The following NOTCH1 variants were observed in gnomAD, a reference collection of about 807,000 sequenced individuals.
The protein encoded by NOTCH1 is notch receptor 1, also known as neurogenic locus notch homolog protein 1.
Under a neutral mutation model 254.8 loss-of-function variants are expected in NOTCH1, and 37 were observed. The observed-to-expected ratio is 0.15, with a 90% CI of 0.11 to 0.19. The LOEUF (loss-of-function observed/expected upper bound fraction) is 0.19. Among genes scored for constraint, NOTCH1 ranks in the 10% least tolerant of loss-of-function variants. NOTCH1 has a pLI of 1.00. For missense variants in NOTCH1, 2,972 were observed against 3,708.6 expected (o/e 0.80, Z 5.16); for synonymous variants, 1,731 against 1,618.1 (o/e 1.07, Z -1.68).
At position 136,497,560 on chromosome 9, in the gene NOTCH1, TG is replaced by T. The variant is rs1337087287; in HGVS notation, c.6181-3del. On this transcript the variant is annotated splice_polypyrimidine_tract_variant and splice_region_variant and intron_variant, in intron 33 of 33. Coordinates refer to ENST00000651671, the MANE Select transcript of NOTCH1 (RefSeq NM_017617.5). The stretch of plus-strand genomic sequence containing the variant: ...GGCCAGAAACAGGGGTGTCTCCTCC[TG>T]GGGGATGAGGGCGGGGGCCGGTGAG... 2.0e-6 allele frequency: 3 copies of T among 1,490,274 alleles called. No homozygotes were observed. Among genetic ancestry groups the T allele is most frequent in the East Asian group, 5.4e-5 (2 of 37,008 alleles). The allele number at this position is 1,490,274 out of a possible 1,614,324, so 92.3% of individuals were successfully genotyped here. A position where few individuals can be genotyped will look rare whatever the true frequency, so the allele number is the denominator to read the frequency against.
In NOTCH1 at chr9:136,524,102, G is replaced by A. The variant is rs148969137; in HGVS notation, c.141-123C>T. The A allele has an allele frequency of 6.7e-4, 860 of 1,291,696 alleles. 7 individuals carry two copies. In the African/African-American group the frequency reaches 9.6e-3, roughly 14 times the overall value. 80.0% of individuals were successfully genotyped at this position (1,291,696 alleles called of 1,614,324 possible). A position where few individuals can be genotyped will look rare whatever the true frequency, so the allele number is the denominator to read the frequency against. Reference sequence around the variant, plus strand: ...CCCACACCCCGGGCACGGGCACAACGGCTGCTTAGCGGGGTTCCCTTAGGG... The same window carrying A: ...CCCACACCCCGGGCACGGGCACAACAGCTGCTTAGCGGGGTTCCCTTAGGG... On this transcript the variant is annotated intron_variant, in intron 2 of 33. Transcript: ENST00000651671.
chr9:136,497,206 G>A lies in NOTCH1; in HGVS notation c.6533C>T (p.Ala2178Val), dbSNP rs2133318110. The A allele has an allele frequency of 1.2e-6, 2 of 1,612,796 alleles. No individual in the cohort carries two copies. The highest frequency in any genetic ancestry group is 1.7e-6 in the Non-Finnish European group (2 of 1,179,962). ...GCCGTCCTGGGACTTCTTCCTCCGT[G>A]CCTTGAGGTCCTTGGCCTCCTTGCT... Reference protein sequence around the residue: ...CGSKEAKDLKARRKKSQDGKG... With the variant: ...CGSKEAKDLKVRRKKSQDGKG... The change falls in exon 34 of 34, where the codon GCA (alanine) becomes GTA (valine). Residue 2178 changes from alanine to valine, a missense_variant. By Grantham distance (64) the Ala-to-Val change is moderately conservative (BLOSUM62 0). This residue lies in a region of NOTCH1 where 529 missense variants were observed against 529.2 expected (regional missense o/e 1.00). Transcript: ENST00000651671.
At position 136,518,451 on chromosome 9, in the gene NOTCH1, C is replaced by T. The variant is rs895852600; in HGVS notation, c.1099+140G>A. The stretch of plus-strand genomic sequence containing the variant: ...TTGGGACGTTCCGGGGGACTCACAG[C>T]GACCACCGGCCTCCCTGACCAGAAA... On this transcript the variant is annotated intron_variant, in intron 6 of 33. Coordinates refer to ENST00000651671, the MANE Select transcript of NOTCH1 (RefSeq NM_017617.5). The T allele has an allele frequency of 2.9e-5, 32 of 1,115,494 alleles. No homozygotes were observed. In the Admixed American group the frequency reaches 3.8e-4, roughly 13 times the overall value. The allele number at this position is 1,115,494 out of a possible 1,614,324, so 69.1% of individuals were successfully genotyped here.
At position 136,504,898 on chromosome 9, in the gene NOTCH1, C is replaced by T. The variant is rs755124691; in HGVS notation, c.4793G>A (p.Arg1598His). ...SSFHFLRELS[R>H]VLHTNVVFKR... ...GAAGACCACGTTGGTGTGCAGCACG[C>T]GGCTGAGCTCCCGCAGGAAGTGGAA... Residue 1598 changes from arginine to histidine, a missense_variant, in exon 26 of 34, where the codon CGC becomes CAC. This residue lies in a region of NOTCH1 where 1,343 missense variants were observed against 1,557.0 expected (regional missense o/e 0.86). Coordinates refer to ENST00000651671, the MANE Select transcript of NOTCH1 (RefSeq NM_017617.5). 115 of 1,584,782 alleles carry T rather than the reference C, an allele frequency of 7.3e-5. No homozygotes were observed. The highest frequency in any genetic ancestry group is 3.3e-4 in the Middle Eastern group (2 of 6,056).
rs758998121 is a variant in NOTCH1, at chr9:136,522,921, G to A, written c.671C>T (p.Pro224Leu). 2 of 1,548,978 alleles carry A rather than the reference G, an allele frequency of 1.3e-6. No homozygotes were observed. The highest frequency in any genetic ancestry group is 1.7e-6 in the Non-Finnish European group (2 of 1,145,888). The change falls in exon 4 of 34, where the codon CCC becomes CTC. Residue 224 changes from proline to leucine, a missense_variant. Transcript: ENST00000651671. Reference sequence around the variant, plus strand: ...GGTGCCCCCGTTCTGGCAGGGCGAGGGGCTGCAGGGCACGTAGGGCCGCTC... The same window carrying A: ...GGTGCCCCCGTTCTGGCAGGGCGAGAGGCTGCAGGGCACGTAGGGCCGCTC... ...NCERPYVPCS[P>L]SPCQNGGTCR...
At position 136,496,560 on chromosome 9, in the gene NOTCH1, C is replaced by T; in HGVS notation, c.7179G>A (p.Gln2393=). 6.2e-7 allele frequency: 1 copy of T among 1,611,198 alleles called. No individual in the cohort carries two copies. Among genetic ancestry groups the T allele is most frequent in the Non-Finnish European group, 8.5e-7 (1 of 1,179,996 alleles). Residue 2393 remains glutamine (Q), a synonymous_variant, in exon 34 of 34, where the codon CAG becomes CAA. Transcript: ENST00000651671. The stretch of plus-strand genomic sequence containing the variant: ...TGTTTGCTGGCTGCAGGTTCTGCTG[C>T]TGCATCTGTAAGTTTTGTGGCTGCA... ...QQVQPQNLQM[Q]QQNLQPANIQ...
chr9:136,497,248 T>C lies in NOTCH1; in HGVS notation c.6491A>G (p.Lys2164Arg), dbSNP rs535160267. 5 of 1,612,126 alleles carry C rather than the reference T, an allele frequency of 3.1e-6. No homozygotes were observed. In the Admixed American group the frequency reaches 6.7e-5, roughly 21 times the overall value. Reference protein sequence around the residue: ...QGKKVRKPSSKGLACGSKEAK... With the variant: ...QGKKVRKPSSRGLACGSKEAK... ...CTCCTTGCTTCCACAGGCCAGGCCT[T>C]TGCTGCTGGGCTTGCGGACCTTCTT... Residue 2164 changes from lysine to arginine, a missense_variant, in exon 34 of 34, where the codon AAA becomes AGA. Physicochemically the swap from Lys to Arg is conservative, Grantham distance 26 (BLOSUM62 2). Transcript: ENST00000651671.
intron 2 of NOTCH1, among the ~76,000 whole-genome samples, chr9:136,529,723 G>T (rs1217879854): frequency 6.6e-6 from 1 of 152,274 alleles, no homozygotes; most frequent in Non-Finnish European, 1.5e-5. Context: ...GCCCTGAAAG[G>T]CGCCCTGCAG....
chr9:136,513,546 G>A lies in NOTCH1; in HGVS notation c.2208-9C>T, dbSNP rs1178222174. Reference sequence around the variant, plus strand: ...CACAGTCGCACTTGTACCTGCAAGGGGGACCACACTGCAGGTCGAGGGAGG... The same window carrying A: ...CACAGTCGCACTTGTACCTGCAAGGAGGACCACACTGCAGGTCGAGGGAGG... On this transcript the variant is annotated splice_polypyrimidine_tract_variant and intron_variant, in intron 13 of 33. Transcript: ENST00000651671. This position sits in a 1 kb window ranked among gnomAD's most constrained non-coding sequence, Gnocchi z 4.7. The A allele has an allele frequency of 1.2e-6, 2 of 1,612,802 alleles. No individual in the cohort carries two copies. The highest frequency in any genetic ancestry group is 2.2e-5 in the South Asian group (2 of 91,072).
Position 136,506,556 on chromosome 9 carries a change from C to T in NOTCH1, c.3985G>A (p.Ala1329Thr), listed in dbSNP as rs763098618. The T allele has an allele frequency of 1.2e-5, 20 of 1,609,046 alleles. No homozygotes were observed. The highest frequency in any genetic ancestry group is 1.5e-5 in the Non-Finnish European group (18 of 1,178,922). Residue 1329 changes from alanine (A) to threonine (T), a missense_variant, in exon 24 of 34, where the codon GCC becomes ACC. Physicochemically the swap from Ala to Thr is moderately conservative, Grantham distance 58. Transcript: ENST00000651671. This position sits in a 1 kb window ranked among gnomAD's most constrained non-coding sequence, Gnocchi z 4.5. ...GGTCAVASNT[A>T]RGFICKCPAG... is the part of the protein sequence containing the mutation. ...GGGCACTTGCAGATGAACCCGCGGG[C>T]GGTGTTGGAGGCCACGGCGCAGGTG...
intron 2 of NOTCH1, among the ~76,000 whole-genome samples, chr9:136,537,903 A>G (rs1427589967): frequency 6.6e-6 from 1 of 152,052 alleles, no homozygotes; most frequent in African/African-American, 2.4e-5. Context: ...GACCAGCCTG[A>G]CCAATATGGT....
rs1003737217 is a variant in NOTCH1, at chr9:136,545,218, C to A, written c.61+508G>T. Among the ~76,000 whole-genome samples, 12 of 152,004 alleles carry A rather than the reference C, an allele frequency of 7.9e-5. No individual in the cohort carries two copies. Among genetic ancestry groups the A allele is most frequent in the Admixed American group, 5.2e-4 (8 of 15,270 alleles). The stretch of plus-strand genomic sequence containing the variant: ...GCGGGGCGACCGGGAGCCCGGGGAC[C>A]CAGCCCGGCCGCGCGGGTCAGTGAA... On this transcript the variant is annotated intron_variant, in intron 1 of 33. Coordinates refer to ENST00000651671, the MANE Select transcript of NOTCH1 (RefSeq NM_017617.5). This position sits in a 1 kb window ranked among gnomAD's most constrained non-coding sequence, Gnocchi z 6.8.
intron 32 of NOTCH1, 23 bp from the exon 33 acceptor site, chr9:136,499,019 G>A (rs2133322072): frequency 1.2e-6 from 2 of 1,612,984 alleles, no homozygotes; most frequent in East Asian, 2.2e-5. Flanking sequence ...AGCAGATGGG[G>A]TAGGTTGGAG....
chr9:136,528,710 C>T (rs933390513), intron 2 of NOTCH1, among the ~76,000 whole-genome samples: 1 of 151,960 alleles, frequency 6.6e-6, no homozygotes, highest in African/African-American at 2.4e-5. Flanking sequence ...ACCTGCTCCC[C>T]AGCAGAGCCA....
chr9:136,517,716 C>T (rs752634095), intron 8 of NOTCH1, 36 bp downstream of exon 8: 51 of 1,611,086 alleles, frequency 3.2e-5, no homozygotes, highest in African/African-American at 2.8e-4. Context: ...TGCCCAGCCT[C>T]GACTCGGTTT....
At position 136,522,397 on chromosome 9, in the gene NOTCH1, C is replaced by T. The variant is rs138107725; in HGVS notation, c.742+453G>A. On this transcript the variant is annotated intron_variant, in intron 4 of 33. Coordinates refer to ENST00000651671, the MANE Select transcript of NOTCH1 (RefSeq NM_017617.5). ...CGGGGATCGGGGAGCACTGGGGACA[C>T]GGGCAGGCGGCTGCGCCTACCTGTC... is the stretch of plus-strand genomic sequence containing the variant. Among the ~76,000 whole-genome samples, 411 of 152,338 alleles carry T rather than the reference C, an allele frequency of 2.7e-3. 3 individuals are homozygous for T. The highest frequency in any genetic ancestry group is 9.4e-3 in the African/African-American group (389 of 41,578).
chr9:136,497,037 C>T lies in NOTCH1; in HGVS notation c.6702G>A (p.Leu2234=), dbSNP rs1320893497. 1.2e-6 allele frequency: 2 copies of T among 1,609,514 alleles called. No individual in the cohort carries two copies. The highest frequency in any genetic ancestry group is 1.7e-6 in the Non-Finnish European group (2 of 1,178,244). The part of the protein sequence containing the change: ...QQSPSVPLNH[L]PGMPDTHLGI... ...CCAGGTGGGTGTCGGGCATCCCAGG[C>T]AGGTGGTTGAGGGGCACGGACGGAG... Residue 2234 remains leucine, a synonymous_variant, in exon 34 of 34, where the codon CTG becomes CTA. Coordinates refer to ENST00000651671, the MANE Select transcript of NOTCH1 (RefSeq NM_017617.5).
In NOTCH1 at chr9:136,496,578, T is replaced by C; in HGVS notation, c.7161A>G (p.Pro2387=). ...TCTGCTGCTGCATCTGTAAGTTTTG[T>C]GGCTGCACCTGCTGGGTCTGCACCA... is the stretch of plus-strand genomic sequence containing the variant. ...PHLVQTQQVQ[P]QNLQMQQQNL... is the part of the protein sequence containing the mutation. The change falls in exon 34 of 34, where the codon CCA becomes CCG. Residue 2387 remains proline, a synonymous_variant. Coordinates refer to ENST00000651671, the MANE Select transcript of NOTCH1 (RefSeq NM_017617.5). 6.2e-7 allele frequency: 1 copy of C among 1,612,460 alleles called. No homozygotes were observed. The highest frequency in any genetic ancestry group is 8.5e-7 in the Non-Finnish European group (1 of 1,179,976).
At chr9:136,526,694 C>T (rs944053333) in intron 2 of NOTCH1, among the ~76,000 whole-genome samples, 6 of 152,240 alleles carry the variant, frequency 3.9e-5, no homozygotes, top group African/African-American at 9.6e-5. Flanking sequence ...CCACCCTGAG[C>T]GCGGACCCCA....
Sources: allele counts gnomAD v4.1 joint callset (sites outside exome capture counted in the v4.1 genomes callset), GRCh38; gene constraint gnomAD v4.1.1; regional missense constraint gnomAD v4.1.1; non-coding constraint Gnocchi (gnomAD v3.1); transcripts MANE v1.5; gene names NCBI Gene and HGNC (gene_info 2026-07-23, HGNC 2026-07-21).